Variants in CTNNA3 observed in about 807,000 individuals in gnomAD.
The protein encoded by CTNNA3 is catenin alpha 3, also known as catenin alpha-3.
CTNNA3 carries 76 observed loss-of-function variants against 95.7 expected under a neutral mutation model. The ratio of observed to expected loss-of-function variants is 0.79; its 90% CI spans 0.66 to 0.96. CTNNA3 has a LOEUF of 0.96. CTNNA3 is among the 40% of genes least tolerant of loss of function. CTNNA3 has a pLI of 0.00. For synonymous variants in CTNNA3, 431 were observed against 374.4 expected, an observed-to-expected ratio of 1.15 and a Z score of -1.74; for missense variants, 1,191 against 1,089.8, an observed-to-expected ratio of 1.09 and a Z score of -1.31.
chr10:67,315,506 T>C (rs974363992), intron 5 of CTNNA3, among the ~76,000 whole-genome samples: 1 of 152,150 alleles, frequency 6.6e-6, no homozygotes, highest in Non-Finnish European at 1.5e-5. Flanking sequence ...CTCAAATATA[T>C]TAAGAACTTA....
chr10:67,508,431 TG>T lies in CTNNA3; in HGVS notation c.579+13410del, dbSNP rs541893573. Among the ~76,000 whole-genome samples, 526 of 152,330 alleles carry T rather than the reference TG, an allele frequency of 3.5e-3. 4 individuals are homozygous for T. Among genetic ancestry groups the T allele is most frequent in the African/African-American group, 0.012 (484 of 41,564 alleles). ...TGGAAAAAATAGTCTCTTCAATAAG[TG>T]GGGTTGGGAAAATTGAATATCCACA... On this transcript the variant is annotated intron_variant, in intron 5 of 17. Coordinates refer to ENST00000433211, the MANE Select transcript of CTNNA3 (RefSeq NM_013266.4).
intron 15 of CTNNA3, among the ~76,000 whole-genome samples, chr10:66,053,508 C>T (rs1406651425): frequency 6.6e-6 from 1 of 151,998 alleles, no homozygotes; most frequent in African/African-American, 2.4e-5. Context: ...TCCAATTATA[C>T]TCTTCATTTT....
intron 5 of CTNNA3, among the ~76,000 whole-genome samples, chr10:67,357,991 T>G (rs1842873920): frequency 1.3e-5 from 2 of 152,058 alleles, no homozygotes; most frequent in African/African-American, 4.8e-5. Flanking sequence ...TGGATATATA[T>G]GAATAATTAA....
rs1258097960 is a variant in CTNNA3, at chr10:65,916,299, A to C, written c.*4031T>G. 3 of 152,178 alleles carry C rather than the reference A, an allele frequency of 2.0e-5. No homozygotes were observed. Among genetic ancestry groups the C allele is most frequent in the Non-Finnish European group, 4.4e-5 (3 of 68,032 alleles). 9.4% of individuals were successfully genotyped at this position (152,178 alleles called of 1,614,324 possible). A position where few individuals can be genotyped will look rare whatever the true frequency, so the allele number is the denominator to read the frequency against. On this transcript the variant is annotated 3_prime_UTR_variant, in exon 18 of 18. Coordinates refer to ENST00000433211, the MANE Select transcript of CTNNA3 (RefSeq NM_013266.4). ...AATATTTGATTCCTAAATATACAATAGGCAGGCTGTCTTGGCAAAAAATAG... is the reference window on the plus strand; with the variant it reads ...AATATTTGATTCCTAAATATACAATCGGCAGGCTGTCTTGGCAAAAAATAG...
intron 10 of CTNNA3, among the ~76,000 whole-genome samples, chr10:66,615,728 T>C (rs990248948): frequency 6.6e-6 from 1 of 152,018 alleles, no homozygotes; most frequent in Non-Finnish European, 1.5e-5. Context: ...ACTTTTGCTA[T>C]AGACCATGAA....
rs1554854250 is a variant in CTNNA3 at position 67,564,677 on chromosome 10, G to GTATGTATA, written c.293-25009_293-25008insTATACATA. ...TATATGCATATATGTGTGTGTGTGTGTATATATATATATATATATATATAT... is the reference window on the plus strand; with the variant it reads ...TATATGCATATATGTGTGTGTGTGTGTATGTATATATATATATATATATATATATATAT... On this transcript the variant is annotated intron_variant, in intron 3 of 17. Transcript: ENST00000433211. 1.3e-3 allele frequency among the ~76,000 whole-genome samples: 79 copies of GTATGTATA among 61,298 alleles called. 3 individuals are homozygous for GTATGTATA. The highest frequency in any genetic ancestry group is 4.7e-3 in the African/African-American group (73 of 15,650). 40.2% of individuals were successfully genotyped at this position (61,298 alleles called of 152,430 possible).
intron 6 of CTNNA3, among the ~76,000 whole-genome samples, chr10:67,208,978 T>G (rs1864022814): frequency 6.6e-6 from 1 of 152,180 alleles, no homozygotes; most frequent in Admixed American, 6.6e-5. Flanking sequence ...AAAAGGTACC[T>G]TCCACCAGGA....
chr10:66,481,639 T>C (rs1160350635), intron 11 of CTNNA3, among the ~76,000 whole-genome samples: 230 of 142,464 alleles, frequency 1.6e-3, no homozygotes, highest in South Asian at 3.9e-3. Context: ...GCCCGGCTAA[T>C]TTTTTGTATT....
chr10:67,039,047 A>G (rs1854238140), intron 7 of CTNNA3, among the ~76,000 whole-genome samples: 1 of 152,082 alleles, frequency 6.6e-6, no homozygotes, highest in Non-Finnish European at 1.5e-5. Flanking sequence ...TGAGGTTGCT[A>G]TATCAGCAGA....
intron 7 of CTNNA3, among the ~76,000 whole-genome samples, chr10:66,901,435 A>T (rs887050796): frequency 1.3e-5 from 2 of 152,244 alleles, no homozygotes; most frequent in Non-Finnish European, 2.9e-5. Context: ...CCAAATTCTA[A>T]AGACCATAGA....
chr10:67,412,168 T>C (rs1784457071), intron 5 of CTNNA3, among the ~76,000 whole-genome samples: 1 of 152,156 alleles, frequency 6.6e-6, no homozygotes, highest in African/African-American at 2.4e-5. Context: ...TCCTAAAACA[T>C]CAAGTATATT....
chr10:66,400,172 CA>C (rs1456985237), intron 11 of CTNNA3, among the ~76,000 whole-genome samples: 1 of 151,562 alleles, frequency 6.6e-6, no homozygotes, highest in Non-Finnish European at 1.5e-5. Context: ...AACATGTTTA[CA>C]AAGAAAATAT....
At chr10:67,668,886 T>TGGAGTGC (rs913290535) in intron 1 of CTNNA3, among the ~76,000 whole-genome samples, 4 of 139,746 alleles carry the variant, frequency 2.9e-5, no homozygotes, top group Non-Finnish European at 6.0e-5. Flanking sequence ...TCACCCGGGC[T>TGGAGTGC]GGAGTGCAAT....
chr10:66,086,729 G>T (rs1325175814), intron 14 of CTNNA3, among the ~76,000 whole-genome samples: 1 of 151,992 alleles, frequency 6.6e-6, no homozygotes, highest in African/African-American at 2.4e-5. Flanking sequence ...TGTTCCTTTG[G>T]TTGATTTTAC....
In CTNNA3 at chr10:65,994,964, A is replaced by G. The variant is rs538446535; in HGVS notation, c.2160-6167T>C. Among the ~76,000 whole-genome samples the G allele has an allele frequency of 5.3e-5, 8 of 152,078 alleles. No individual in the cohort carries two copies. In the South Asian group the frequency reaches 1.2e-3, roughly 24 times the overall value. ...GTTGAAGCTCTCACATGAATTTTGT[A>G]TTTCATTCATTGAATTCTTAGTTCC... On this transcript the variant is annotated intron_variant, in intron 15 of 17. Coordinates refer to ENST00000433211, the MANE Select transcript of CTNNA3 (RefSeq NM_013266.4).
At chr10:66,920,693 C>G (rs894517563) in intron 7 of CTNNA3, among the ~76,000 whole-genome samples, 3 of 152,160 alleles carry the variant, frequency 2.0e-5, no homozygotes, top group Non-Finnish European at 4.4e-5. Context: ...AGAGCCAAAT[C>G]CAGATTTAAT....
At chr10:66,841,628 C>T (rs1174384421) in intron 7 of CTNNA3, among the ~76,000 whole-genome samples, 1 of 152,082 alleles carries the variant, frequency 6.6e-6, no homozygotes, top group South Asian at 2.1e-4. Context: ...AACAGGGGGA[C>T]TTATGAATTA....
intron 7 of CTNNA3, among the ~76,000 whole-genome samples, chr10:66,843,416 A>C (rs536568017): frequency 1.3e-5 from 2 of 152,356 alleles, no homozygotes; most frequent in East Asian, 3.9e-4. Context: ...GATGGGACAG[A>C]AAATGTGAGA....
intron 7 of CTNNA3, among the ~76,000 whole-genome samples, chr10:66,807,358 T>G (rs1308677616): frequency 6.6e-6 from 1 of 152,104 alleles, no homozygotes; most frequent in Non-Finnish European, 1.5e-5. Context: ...ATTTTCTACA[T>G]AAGTGACGTA....
Sources: allele counts gnomAD v4.1 joint callset (sites outside exome capture counted in the v4.1 genomes callset), GRCh38; gene constraint gnomAD v4.1.1; transcripts MANE v1.5; gene names NCBI Gene and HGNC (gene_info 2026-07-23, HGNC 2026-07-21).